Variants in CCDC12 observed in about 807,000 individuals in gnomAD.
CCDC12 encodes the protein coiled-coil domain-containing protein 12.
CCDC12 carries 28 observed loss-of-function variants against 25.7 expected under a neutral mutation model. The ratio of observed to expected loss-of-function variants is 1.09; its 90% CI spans 0.81 to 1.50. CCDC12 has a LOEUF of 1.50. CCDC12 is among the 40% of genes most tolerant of loss of function. CCDC12 has a pLI of 0.00. For missense variants in CCDC12, 198 were observed against 210.0 expected, an observed-to-expected ratio of 0.94 and a Z score of 0.35; for synonymous variants, 75 against 87.7, an observed-to-expected ratio of 0.86 and a Z score of 0.81.
intron 1 of CCDC12, among the ~76,000 whole-genome samples, chr3:46,952,674 G>A (rs2107164697): frequency 6.6e-6 from 1 of 152,320 alleles, no homozygotes; most frequent in South Asian, 2.1e-4. Flanking sequence ...TGTTCTGCAT[G>A]TCTTACAACA....
intron 2 of CCDC12, among the ~76,000 whole-genome samples, chr3:46,928,123 C>T (rs569710626): frequency 9.6e-4 from 146 of 152,298 alleles, no homozygotes; most frequent in African/African-American, 3.0e-3. Context: ...GTGCCACATG[C>T]CTGTAATCTC....
chr3:46,939,724 G>A (rs1170388648), intron 2 of CCDC12, among the ~76,000 whole-genome samples: 1 of 152,184 alleles, frequency 6.6e-6, no homozygotes, highest in Non-Finnish European at 1.5e-5. Context: ...GTCTGAACCC[G>A]AGTAGGGGGC....
intron 1 of CCDC12, among the ~76,000 whole-genome samples, chr3:46,959,573 A>G (rs973419139): frequency 3.3e-5 from 5 of 152,210 alleles, no homozygotes; most frequent in Admixed American, 6.5e-5. Flanking sequence ...CAGTTCACCC[A>G]GAGCAGCCAT....
upstream of CCDC12, among the ~76,000 whole-genome samples, chr3:46,981,032 T>C (rs1019148735): frequency 2.6e-5 from 4 of 152,204 alleles, no homozygotes; most frequent in Admixed American, 2.6e-4. Context: ...GCCTCTTCAG[T>C]CCGCTCAGGT....
chr3:46,969,848 G>A (rs1326427655), intron 1 of CCDC12, among the ~76,000 whole-genome samples: 1 of 151,972 alleles, frequency 6.6e-6, no homozygotes, highest in East Asian at 1.9e-4. Flanking sequence ...CGAGTCAAGT[G>A]TGGCTGTTTA....
intron 2 of CCDC12, among the ~76,000 whole-genome samples, chr3:46,933,725 C>G (rs2033324767): frequency 6.6e-6 from 1 of 152,156 alleles, no homozygotes; most frequent in Non-Finnish European, 1.5e-5. Context: ...AACCCCAAGA[C>G]TGAAAAATAA....
chr3:46,934,236 T>C (rs1432208571), intron 2 of CCDC12, among the ~76,000 whole-genome samples: 10 of 152,354 alleles, frequency 6.6e-5, no homozygotes, highest in Admixed American at 2.0e-4. Flanking sequence ...CATAGCCCAC[T>C]GCCCCTCACC....
At chr3:46,976,437 C>A (rs1031730843) in intron 1 of CCDC12, 200 bp downstream of exon 1, 1 of 1,418,372 alleles carries the variant, frequency 7.1e-7, no homozygotes, top group South Asian at 1.5e-5. Context: ...GCGCGACGAC[C>A]GCACCAGCGC....
At chr3:46,948,746 G>C (rs1021494029) in intron 1 of CCDC12, among the ~76,000 whole-genome samples, 7 of 152,270 alleles carry the variant, frequency 4.6e-5, no homozygotes, top group Admixed American at 3.3e-4. Flanking sequence ...GGCATGCCTA[G>C]TGCAGCTCCT....
chr3:46,923,739 G>T, intron 3 of CCDC12, 71 bp from the exon 4 acceptor site: 1 of 1,299,032 alleles, frequency 7.7e-7, no homozygotes, highest in Non-Finnish European at 1.0e-6. Flanking sequence ...ACTGCCTACC[G>T]TGGCCCCCAG....
intron 2 of CCDC12, among the ~76,000 whole-genome samples, chr3:46,933,889 TA>T (rs567727484): frequency 3.0e-3 from 452 of 151,788 alleles, no homozygotes; most frequent in African/African-American, 0.011. Context: ...TTTTCTACAA[TA>T]AAAAAATCTA....
At chr3:46,980,643 C>A (rs1198358452), upstream of CCDC12, among the ~76,000 whole-genome samples, 1 of 152,156 alleles carries the variant, frequency 6.6e-6, no homozygotes, top group African/African-American at 2.4e-5. Context: ...CCCGTTCCTC[C>A]TGAGCTCCCC....
chr3:46,968,369 C>T (rs2107195661), intron 1 of CCDC12, among the ~76,000 whole-genome samples: 1 of 152,304 alleles, frequency 6.6e-6, no homozygotes, highest in Middle Eastern at 3.4e-3. Context: ...CCAGTTCCAC[C>T]CACTGTCACC....
At chr3:46,925,150 C>T in intron 3 of CCDC12, 1 of 536,488 alleles carries the variant, frequency 1.9e-6, no homozygotes, top group Non-Finnish European at 3.6e-6. Context: ...ACATCCACTT[C>T]TCAGCCAGGA....
chr3:46,961,758 GCTA>G (rs1445076972), intron 1 of CCDC12, among the ~76,000 whole-genome samples: 1 of 152,004 alleles, frequency 6.6e-6, no homozygotes, highest in Non-Finnish European at 1.5e-5. Context: ...AGCTACCACT[GCTA>G]CTACTACTAC....
upstream of CCDC12, among the ~76,000 whole-genome samples, chr3:46,980,350 G>C (rs982218433): frequency 2.6e-5 from 4 of 152,206 alleles, no homozygotes; most frequent in African/African-American, 9.6e-5. Flanking sequence ...CTGATTGGGT[G>C]GTCGTGGCCA....
At chr3:46,952,311 T>C (rs2034154478) in intron 1 of CCDC12, among the ~76,000 whole-genome samples, 1 of 152,194 alleles carries the variant, frequency 6.6e-6, no homozygotes, top group African/African-American at 2.4e-5. Flanking sequence ...ATCACTAGCC[T>C]TGTTGCACAG....
chr3:46,960,277 AC>A (rs1290713265), intron 1 of CCDC12, among the ~76,000 whole-genome samples: 2 of 152,144 alleles, frequency 1.3e-5, no homozygotes, highest in African/African-American at 4.8e-5. Flanking sequence ...AGATGTGGAA[AC>A]TGACTCCTCA....
chr3:46,935,890 C>T (rs1185281047), intron 2 of CCDC12, among the ~76,000 whole-genome samples: 1 of 152,212 alleles, frequency 6.6e-6, no homozygotes, highest in South Asian at 2.1e-4. Flanking sequence ...AGATTCAATG[C>T]AATTCTATCA....
Sources: gnomAD v4.1 joint callset for allele counts (sites outside exome capture counted in the v4.1 genomes callset) on GRCh38, gnomAD v4.1.1 for gene constraint, MANE v1.5 for transcripts, NCBI Gene and HGNC (gene_info 2026-07-23, HGNC 2026-07-21) for gene names.